Variants in NRG1 observed in about 807,000 individuals in gnomAD.
NRG1 encodes neuregulin 1.
NRG1 carries 18 observed loss-of-function variants against 63.8 expected under a neutral mutation model. The ratio of observed to expected loss-of-function variants is 0.28; its 90% CI spans 0.19 to 0.42. The LOEUF is 0.42. Among genes scored for constraint, NRG1 ranks in the 10% least tolerant of loss-of-function variants. The probability of loss-of-function intolerance (pLI) is 1.00; values close to 1 mark genes in which losing one functional copy is unlikely to be tolerated. For synonymous variants in NRG1, 302 were observed against 301.3 expected, an observed-to-expected ratio of 1.00 and a Z score of -0.02; for missense variants, 762 against 814.7, an observed-to-expected ratio of 0.94 and a Z score of 0.79.
chr8:32,396,730 G>A (rs893427087), intron 1 of NRG1, among the ~76,000 whole-genome samples: 7 of 152,170 alleles, frequency 4.6e-5, no homozygotes, highest in African/African-American at 1.7e-4. Context: ...TTACAGGCAT[G>A]AGCCACTGTG....
At chr8:32,608,619 G>A (rs1845763210) in intron 3 of NRG1, among the ~76,000 whole-genome samples, 2 of 152,178 alleles carry the variant, frequency 1.3e-5, no homozygotes, top group South Asian at 4.1e-4. Context: ...CTATGGCGAA[G>A]AACTAGAACT....
At chr8:32,154,688 A>C (rs1016209400) in intron 1 of NRG1, among the ~76,000 whole-genome samples, 1 of 152,220 alleles carries the variant, frequency 6.6e-6, no homozygotes, top group African/African-American at 2.4e-5. Flanking sequence ...GCCAGTTAAA[A>C]ATACAGATGC....
intron 5 of NRG1, among the ~76,000 whole-genome samples, chr8:32,626,877 C>G (rs1462292680): frequency 1.3e-5 from 2 of 151,130 alleles, no homozygotes; most frequent in African/African-American, 4.9e-5. Context: ...AAAAATTAGC[C>G]AGGCATGGAG....
intron 1 of NRG1, among the ~76,000 whole-genome samples, chr8:31,737,300 G>T (rs368435289): frequency 9.2e-5 from 14 of 151,914 alleles, no homozygotes; most frequent in Admixed American, 9.2e-4. Flanking sequence ...TGTGTTATGT[G>T]GCCCTTGTTA....
chr8:31,835,013 A>G (rs796885934), intron 1 of NRG1, among the ~76,000 whole-genome samples: 14 of 152,344 alleles, frequency 9.2e-5, no homozygotes, highest in African/African-American at 3.4e-4. Context: ...GTTAATGCAT[A>G]TTAATGGCAT....
At chr8:32,102,213 T>C (rs1286285854) in intron 1 of NRG1, among the ~76,000 whole-genome samples, 1 of 152,138 alleles carries the variant, frequency 6.6e-6, no homozygotes, top group Non-Finnish European at 1.5e-5. Flanking sequence ...TTTCGACTCA[T>C]TGTAGCCTCG....
chr8:32,686,234 G>GA (rs1439750604), intron 5 of NRG1, among the ~76,000 whole-genome samples: 3 of 151,804 alleles, frequency 2.0e-5, no homozygotes, highest in African/African-American at 4.8e-5. Context: ...GGCAAAAAGA[G>GA]AAAAAAACTC....
At chr8:31,834,250 A>G (rs957291675) in intron 1 of NRG1, among the ~76,000 whole-genome samples, 2 of 151,586 alleles carry the variant, frequency 1.3e-5, no homozygotes, top group African/African-American at 4.9e-5. Context: ...AATACTGTTC[A>G]TCTATGTAAA....
chr8:32,182,874 G>C (rs1841576844), intron 1 of NRG1, among the ~76,000 whole-genome samples: 1 of 152,068 alleles, frequency 6.6e-6, no homozygotes, highest in East Asian at 1.9e-4. Context: ...GCTGAAGTAG[G>C]TCATTCCTGC....
chr8:32,472,972 A>G (rs1824039985), intron 1 of NRG1, among the ~76,000 whole-genome samples: 1 of 152,190 alleles, frequency 6.6e-6, no homozygotes, highest in African/African-American at 2.4e-5. Context: ...ACCTTTTGCT[A>G]TTGGGAAGAC....
chr8:32,386,310 T>C (rs919067733), intron 1 of NRG1, among the ~76,000 whole-genome samples: 2 of 152,216 alleles, frequency 1.3e-5, no homozygotes, highest in Non-Finnish European at 2.9e-5. Flanking sequence ...TATTAAAGTT[T>C]TATGCAAAGA....
chr8:32,023,358 A>C (rs1816751159), intron 1 of NRG1, among the ~76,000 whole-genome samples: 1 of 152,208 alleles, frequency 6.6e-6, no homozygotes, highest in African/African-American at 2.4e-5. Context: ...AGTGGAATGA[A>C]ACTTGATTTA....
At chr8:32,148,374 C>G (rs1837137263) in intron 1 of NRG1, among the ~76,000 whole-genome samples, 1 of 152,156 alleles carries the variant, frequency 6.6e-6, no homozygotes, top group Admixed American at 6.5e-5. Context: ...ATATCAGACT[C>G]TTGCCACTGT....
At chr8:31,967,240 T>C (rs1006608110) in intron 1 of NRG1, among the ~76,000 whole-genome samples, 2 of 152,140 alleles carry the variant, frequency 1.3e-5, no homozygotes, top group Non-Finnish European at 1.5e-5. Context: ...AGTATATCTC[T>C]TTCCTCCTCC....
In NRG1 at chr8:32,605,694, CCTACGGTATT is replaced by C; in HGVS notation, c.400+14_400+23del. On this transcript the variant is annotated intron_variant, in intron 3 of 11. Transcript: ENST00000356819. ...TCGTGGAATCAAACGGTAAGAGATACCTACGGTATTCTGTTCCTCAATCTGTAACAAGAGT... is the reference window on the plus strand; with the variant it reads ...TCGTGGAATCAAACGGTAAGAGATACCTGTTCCTCAATCTGTAACAAGAGT... 1 of 1,612,032 alleles carries C rather than the reference CCTACGGTATT, an allele frequency of 6.2e-7. No individual in the cohort carries two copies. The highest frequency in any genetic ancestry group is 8.5e-7 in the Non-Finnish European group (1 of 1,178,724).
intron 1 of NRG1, among the ~76,000 whole-genome samples, chr8:31,773,558 A>T (rs1818834220): frequency 6.6e-6 from 1 of 152,202 alleles, no homozygotes; most frequent in Non-Finnish European, 1.5e-5. Context: ...TTGCTCCTCC[A>T]TAGTCGGTGC....
chr8:31,747,503 C>G (rs995719848), intron 1 of NRG1, among the ~76,000 whole-genome samples: 3 of 152,112 alleles, frequency 2.0e-5, no homozygotes, highest in Admixed American at 6.6e-5. Context: ...TCATCATCAT[C>G]CAGCATTTCC....
At chr8:31,678,373 T>A (rs1458561585) in intron 1 of NRG1, among the ~76,000 whole-genome samples, 1 of 152,118 alleles carries the variant, frequency 6.6e-6, no homozygotes, top group African/African-American at 2.4e-5. Flanking sequence ...TTTGACCTAA[T>A]TTCCCCCCCA....
intron 1 of NRG1, among the ~76,000 whole-genome samples, chr8:31,852,132 G>A (rs1419648687): frequency 6.2e-4 from 89 of 144,316 alleles, no homozygotes; most frequent in African/African-American, 1.4e-3. Flanking sequence ...CCAGTAATGG[G>A]ATGGCTGGGT....
Sources: gnomAD v4.1 joint callset for allele counts (sites outside exome capture counted in the v4.1 genomes callset) on GRCh38, gnomAD v4.1.1 for gene constraint, MANE v1.5 for transcripts, NCBI Gene and HGNC (gene_info 2026-07-23, HGNC 2026-07-21) for gene names.